Variants in SCN1B observed in about 807,000 individuals in gnomAD.
SCN1B encodes sodium channel regulatory subunit beta-1.
Under a neutral mutation model 25.7 loss-of-function variants are expected in SCN1B, and 11 were observed. The observed-to-expected ratio is 0.43, with a 90% confidence interval of 0.27 to 0.71. The LOEUF (loss-of-function observed/expected upper bound fraction) is 0.71. Among genes scored for constraint, SCN1B ranks in the 30% least tolerant of loss-of-function variants. The pLI is 0.21. For missense variants in SCN1B, 224 were observed against 291.5 expected (o/e 0.77, Z 1.69); for synonymous variants, 119 against 117.5 (o/e 1.01, Z -0.08).
chr19:35,035,286 A>G (rs553201273), intron 3 of SCN1B: 3 of 138,110 alleles, frequency 2.2e-5, no homozygotes, highest in Admixed American at 7.2e-5. Flanking sequence ...TTTTTTTTTT[A>G]AATTTAGATT....
At position 35,030,838 on chromosome 19, in the gene SCN1B, C is replaced by A; in HGVS notation, c.18C>A (p.Ala6=). 1.9e-6 allele frequency: 2 copies of A among 1,035,462 alleles called. No homozygotes were observed. Among genetic ancestry groups the A allele is most frequent in the Non-Finnish European group, 2.4e-6 (2 of 827,856 alleles). 64.1% of individuals were successfully genotyped at this position (1,035,462 alleles called of 1,614,324 possible). The change falls in exon 1 of 6, where the codon GCC becomes GCA. Residue 6 remains alanine, a synonymous_variant. Transcript: ENST00000262631. MGRLL[A]LVVGAALVSS... is the part of the protein sequence containing the mutation. ...GCGCAGCCATGGGGAGGCTGCTGGC[C>A]TTAGTGGTCGGCGCGGCACTGGGTG...
chr19:35,039,312 C>T (rs1377363904), intron 4 of SCN1B, 54 bp downstream of exon 4: 14 of 1,603,936 alleles, frequency 8.7e-6, no homozygotes, highest in African/African-American at 1.3e-5. Context: ...TCACACTTGC[C>T]AGAGAGGAAC....
intron 3 of SCN1B, chr19:35,034,464 C>T (rs1256780347): frequency 7.4e-6 from 2 of 271,096 alleles, no homozygotes; most frequent in East Asian, 9.2e-5. Context: ...TTTGCCTCAG[C>T]CACCCTGGAC....
chr19:35,039,063 C>T, intron 3 of SCN1B, 54 bp from the exon 4 acceptor site: 3 of 1,608,818 alleles, frequency 1.9e-6, no homozygotes, highest in Non-Finnish European at 2.6e-6. Flanking sequence ...TCACAGCACA[C>T]TCAGGCTGTC....
chr19:35,036,677 C>T (rs933878800), intron 3 of SCN1B: 7 of 151,986 alleles, frequency 4.6e-5, no homozygotes, highest in Admixed American at 4.6e-4. Context: ...AGGTGATCCA[C>T]CCACCTCAGC....
intron 3 of SCN1B, chr19:35,038,285 C>T (rs531642268): frequency 2.2e-4 from 33 of 152,084 alleles, no homozygotes; most frequent in African/African-American, 8.0e-4. Context: ...TGACTCTGGT[C>T]CCCTGGCTGA....
At chr19:35,033,283 G>A (rs1301273115) in intron 2 of SCN1B, among the ~76,000 whole-genome samples, 1 of 152,022 alleles carries the variant, frequency 6.6e-6, no homozygotes, top group African/African-American at 2.4e-5. Flanking sequence ...GTGTGTGCTC[G>A]TGTGCATCTT....
intron 4 of SCN1B, 124 bp from the exon 5 acceptor site, chr19:35,039,511 C>A: frequency 9.4e-7 from 1 of 1,060,128 alleles, no homozygotes; most frequent in Non-Finnish European, 1.4e-6. Flanking sequence ...CACCCATAGA[C>A]TCCTTCTCTC....
chr19:35,039,579 G>A (rs1406604515), intron 4 of SCN1B, 56 bp from the exon 5 acceptor site: 3 of 1,575,830 alleles, frequency 1.9e-6, no homozygotes, highest in Non-Finnish European at 1.7e-6. Flanking sequence ...CCCATCCCCC[G>A]GGGGTTGGGT....
At chr19:35,039,334 G>C in intron 4 of SCN1B, 76 bp downstream of exon 4, 1 of 1,594,958 alleles carries the variant, frequency 6.3e-7, no homozygotes, top group South Asian at 1.1e-5. Context: ...CCGGAGCCCG[G>C]GCAGGGAGGA....
chr19:35,039,251 G>A lies in SCN1B; in HGVS notation c.583G>A (p.Glu195Lys). The A allele has an allele frequency of 6.2e-7, 1 of 1,613,154 alleles. No homozygotes were observed. The highest frequency in any genetic ancestry group is 8.5e-7 in the Non-Finnish European group (1 of 1,180,026). ...IAAATETAAQ[E>K]NASEYLAITS... Reference sequence around the variant, plus strand: ...TGCCGCCACGGAGACTGCTGCACAGGAGAATGCGTGAGTAGGGTGGCTGGG... The same window carrying A: ...TGCCGCCACGGAGACTGCTGCACAGAAGAATGCGTGAGTAGGGTGGCTGGG... Residue 195 changes from glutamate (E) to lysine (K), a missense_variant, in exon 4 of 6, where the codon GAG becomes AAG. Coordinates refer to ENST00000262631, the MANE Select transcript of SCN1B (RefSeq NM_001037.5).
chr19:35,033,649 G>C lies in SCN1B; in HGVS notation c.358G>C (p.Glu120Gln), dbSNP rs772112038. The change falls in exon 3 of 6, where the codon GAG becomes CAG. Residue 120 changes from glutamate (E) to glutamine (Q), a missense_variant. Coordinates refer to ENST00000262631, the MANE Select transcript of SCN1B (RefSeq NM_001037.5). Reference protein sequence around the residue: ...NVTYNHSGDYECHVYRLLFFE... With the variant: ...NVTYNHSGDYQCHVYRLLFFE... ...CACCTACAACCACTCGGGCGACTAC[G>C]AGTGCCACGTCTACCGCCTGCTCTT... 6.2e-7 allele frequency: 1 copy of C among 1,614,060 alleles called. No individual in the cohort carries two copies. The highest frequency in any genetic ancestry group is 8.5e-7 in the Non-Finnish European group (1 of 1,180,052).
In SCN1B at chr19:35,030,827, A is replaced by C; in HGVS notation, c.7A>C (p.Arg3=). The C allele has an allele frequency of 3.7e-6, 4 of 1,078,968 alleles. No individual in the cohort carries two copies. Among genetic ancestry groups the C allele is most frequent in the South Asian group, 2.3e-5 (1 of 44,216 alleles). The allele number at this position is 1,078,968 out of a possible 1,614,324, so 66.8% of individuals were successfully genotyped here. ...CAGCACGCGCCGCGCAGCCATGGGG[A>C]GGCTGCTGGCCTTAGTGGTCGGCGC... The part of the protein sequence containing the change: MG[R]LLALVVGAAL... The change falls in exon 1 of 6, where the codon AGG becomes CGG. Residue 3 remains arginine (R), a synonymous_variant. Transcript: ENST00000262631.
intron 1 of SCN1B, among the ~76,000 whole-genome samples, chr19:35,031,136 C>T (rs1293251256): frequency 1.3e-5 from 2 of 150,598 alleles, no homozygotes; most frequent in Non-Finnish European, 3.0e-5. Context: ...GTCAGCTGCT[C>T]CCGGAGCCCC....
chr19:35,030,965 C>T (rs960592102), intron 1 of SCN1B, 105 bp downstream of exon 1: 8 of 198,018 alleles, frequency 4.0e-5, no homozygotes, highest in Admixed American at 3.6e-4. Context: ...GGGCCACCCC[C>T]GGCCCATCCC....
Position 35,033,550 on chromosome 19 carries a change from G to C in SCN1B, c.259G>C (p.Glu87Gln), listed in dbSNP as rs121434627. ...VLQLEEDERF[E>Q]GRVVWNGSRG... Reference sequence around the variant, plus strand: ...GCAGCTGGAGGAGGATGAGCGCTTCGAGGGCCGCGTGGTGTGGAATGGCAG... The same window carrying C: ...GCAGCTGGAGGAGGATGAGCGCTTCCAGGGCCGCGTGGTGTGGAATGGCAG... Residue 87 changes from glutamate to glutamine, a missense_variant, in exon 3 of 6, where the codon GAG becomes CAG. Transcript: ENST00000262631. 1.9e-6 allele frequency: 3 copies of C among 1,614,024 alleles called. No individual in the cohort carries two copies. Among genetic ancestry groups the C allele is most frequent in the Non-Finnish European group, 8.5e-7 (1 of 1,179,958 alleles).
rs72552028 is a variant in SCN1B, at chr19:35,032,608, A to T, written c.121A>T (p.Ile41Phe). Residue 41 changes from isoleucine to phenylalanine, a missense_variant, in exon 2 of 6, where the codon ATC becomes TTC. By Grantham distance (21) the Ile-to-Phe change is conservative. Transcript: ENST00000262631. The surrounding 1 kb of genome is among the most constrained non-coding windows in gnomAD (Gnocchi z 4.3). ...VYGMTFKILCISCKRRSETNA... is the reference protein window; with the variant it reads ...VYGMTFKILCFSCKRRSETNA... ...TGGGATGACCTTCAAAATTCTTTGC[A>T]TCTCCTGCAAGCGCCGCAGCGAGAC... 6.2e-7 allele frequency: 1 copy of T among 1,614,164 alleles called. No homozygotes were observed. The highest frequency in any genetic ancestry group is 1.1e-5 in the South Asian group (1 of 91,088).
At chr19:35,034,816 G>T (rs1289784777) in intron 3 of SCN1B, 1 of 152,380 alleles carries the variant, frequency 6.6e-6, no homozygotes. Flanking sequence ...ATGTGGCCAA[G>T]GTCATGTGAT....
At chr19:35,033,247 G>C (rs1281320163) in intron 2 of SCN1B, among the ~76,000 whole-genome samples, 3 of 152,066 alleles carry the variant, frequency 2.0e-5, no homozygotes, top group Non-Finnish European at 2.9e-5. Flanking sequence ...GGCCAGATGG[G>C]GCTTGGGAGG....
Sources: gnomAD v4.1 joint callset for allele counts (sites outside exome capture counted in the v4.1 genomes callset) on GRCh38, gnomAD v4.1.1 for gene constraint, Gnocchi (gnomAD v3.1) non-coding constraint, MANE v1.5 for transcripts, NCBI Gene and HGNC (gene_info 2026-07-23, HGNC 2026-07-21) for gene names.